The following PCDHA3 variants were observed in gnomAD, a reference collection of about 807,000 sequenced individuals.
PCDHA3 encodes protocadherin alpha-3.
In PCDHA3, 41 loss-of-function variants were observed where a neutral mutation model predicts 62.2. The ratio of observed to expected loss-of-function variants is 0.66; its 90% CI spans 0.51 to 0.86. PCDHA3 has a LOEUF of 0.86. Ranked by LOEUF, PCDHA3 falls within the 40% of genes least tolerant of loss-of-function variation. The probability of loss-of-function intolerance (pLI) is 0.00; values close to 1 mark genes in which losing one functional copy is unlikely to be tolerated. For missense variants in PCDHA3, 1,304 were observed against 1,241.2 expected (o/e 1.05, Z -0.76); for synonymous variants, 640 against 555.4 (o/e 1.15, Z -2.14).
intron 1 of PCDHA3, among the ~76,000 whole-genome samples, chr5:140,920,752 G>A (rs2079807244): frequency 6.6e-6 from 1 of 151,768 alleles, no homozygotes; most frequent in African/African-American, 2.4e-5. Context: ...GCTGAGGCAG[G>A]AGAATTGCTT....
At chr5:140,848,407 A>G in intron 1 of PCDHA3, 1 of 1,347,562 alleles carries the variant, frequency 7.4e-7, no homozygotes, top group Non-Finnish European at 1.0e-6. Flanking sequence ...AACGATGGCG[A>G]ACACAGCAGA....
At chr5:140,964,840 C>G (rs1270845085) in intron 1 of PCDHA3, among the ~76,000 whole-genome samples, 1 of 152,152 alleles carries the variant, frequency 6.6e-6, no homozygotes, top group Non-Finnish European at 1.5e-5. Flanking sequence ...GCTTCCTACT[C>G]TGTACCCTTG....
intron 1 of PCDHA3, chr5:140,848,211 A>T: frequency 2.8e-6 from 1 of 353,668 alleles, no homozygotes; most frequent in Non-Finnish European, 5.1e-6. Flanking sequence ...TCATTACTTA[A>T]GAAAAAATTA....
chr5:140,855,802 G>A (rs1329894390), intron 1 of PCDHA3: 2 of 477,954 alleles, frequency 4.2e-6, no homozygotes, highest in East Asian at 6.4e-5. Flanking sequence ...ACATATGAAT[G>A]AAAGAAAAGT....
At chr5:140,963,303 G>A (rs2153735006) in intron 1 of PCDHA3, among the ~76,000 whole-genome samples, 1 of 152,286 alleles carries the variant, frequency 6.6e-6, no homozygotes, top group South Asian at 2.1e-4. Flanking sequence ...GAGAAAATAA[G>A]AAGCTGTTTG....
intron 3 of PCDHA3, among the ~76,000 whole-genome samples, chr5:141,004,044 T>G (rs2098148933): frequency 6.6e-6 from 1 of 152,234 alleles, no homozygotes; most frequent in African/African-American, 2.4e-5. Context: ...ATTGATCATT[T>G]GCTGATACTG....
At chr5:140,881,358 T>A in intron 1 of PCDHA3, 1 of 985,286 alleles carries the variant, frequency 1.0e-6, no homozygotes, top group Non-Finnish European at 1.2e-6. Flanking sequence ...AATGCGTGGC[T>A]TTCGTATGAA....
At chr5:140,869,729 A>T (rs1554163384) in intron 1 of PCDHA3, 2 of 1,613,280 alleles carry the variant, frequency 1.2e-6, no homozygotes, top group Non-Finnish European at 1.7e-6. Context: ...CCGGAACTTA[A>T]TTTGCTGCTA....
chr5:140,933,372 C>T (rs1332069734), intron 1 of PCDHA3, among the ~76,000 whole-genome samples: 2 of 151,918 alleles, frequency 1.3e-5, no homozygotes, highest in African/African-American at 2.4e-5. Flanking sequence ...TCCCAAATTC[C>T]TTGGCTGTTC....
At position 140,828,843 on chromosome 5, in the gene PCDHA3, T is replaced by C. The variant is rs145020293; in HGVS notation, c.2394+25252T>C. On this transcript the variant is annotated intron_variant, in intron 1 of 3. Transcript: ENST00000522353. ...GAACAGTCTGAATACGAAGTAAGAA[T>C]ATTCGAAAATGCAGACAACGGAACA... 84 of 1,614,196 alleles carry C rather than the reference T, an allele frequency of 5.2e-5. No homozygotes were observed. Among genetic ancestry groups the C allele is most frequent in the Non-Finnish European group, 6.9e-5 (81 of 1,180,038 alleles).
chr5:140,867,957 CA>C (rs1271215913), intron 1 of PCDHA3: 1 of 152,006 alleles, frequency 6.6e-6, no homozygotes, highest in Non-Finnish European at 1.5e-5. Flanking sequence ...CTCCCAAACC[CA>C]AAATTCTTTC....
chr5:140,929,697 T>G (rs2086305900), intron 1 of PCDHA3: 1 of 266,272 alleles, frequency 3.8e-6, no homozygotes, highest in African/African-American at 2.2e-5. Flanking sequence ...CTGCTTTATA[T>G]GAATATAATA....
intron 1 of PCDHA3, chr5:140,877,758 G>C: frequency 6.2e-7 from 1 of 1,614,190 alleles, no homozygotes; most frequent in Non-Finnish European, 8.5e-7. Context: ...GCTCTGCAGA[G>C]AGCCCGCCCA....
chr5:140,896,561 G>C (rs1562891119), intron 1 of PCDHA3, among the ~76,000 whole-genome samples: 2 of 150,758 alleles, frequency 1.3e-5, no homozygotes, highest in Non-Finnish European at 2.9e-5. Flanking sequence ...ATTTTAAGTA[G>C]AGATGGGGTT....
chr5:140,871,688 G>C lies in PCDHA3; in HGVS notation c.2394+68097G>C, dbSNP rs868933304. On this transcript the variant is annotated intron_variant, in intron 1 of 3. Coordinates refer to ENST00000522353, the MANE Select transcript of PCDHA3 (RefSeq NM_018906.3). ...GTCTTTTAATCATATGAATAATCTG[G>C]CTTCTTTAACCAATAAATGTCCTAT... 1.9e-5 allele frequency: 20 copies of C among 1,060,782 alleles called. No homozygotes were observed. In the African/African-American group the frequency reaches 2.1e-4, roughly 11 times the overall value. The allele number at this position is 1,060,782 out of a possible 1,614,324, so 65.7% of individuals were successfully genotyped here. A position where few individuals can be genotyped will look rare whatever the true frequency, so the allele number is the denominator to read the frequency against.
Position 141,009,767 on chromosome 5 carries a change from G to T in PCDHA3, c.2683G>T (p.Ala895Ser). ...PDKFIIPGSP[A>S]IISIRQEPTN... is the part of the protein sequence containing the mutation. Reference sequence around the variant, plus strand: ...CAAATTCATTATCCCAGGATCTCCTGCAATCATCTCCATCCGGCAGGAGCC... The same window carrying T: ...CAAATTCATTATCCCAGGATCTCCTTCAATCATCTCCATCCGGCAGGAGCC... The change falls in exon 4 of 4, where the codon GCA becomes TCA. Residue 895 changes from alanine to serine, a missense_variant. Coordinates refer to ENST00000522353, the MANE Select transcript of PCDHA3 (RefSeq NM_018906.3). 1 of 1,614,108 alleles carries T rather than the reference G, an allele frequency of 6.2e-7. No individual in the cohort carries two copies. Among genetic ancestry groups the T allele is most frequent in the South Asian group, 1.1e-5 (1 of 91,072 alleles).
intron 1 of PCDHA3, chr5:140,823,980 G>T (rs2150131135): frequency 1.9e-6 from 3 of 1,614,052 alleles, no homozygotes; most frequent in East Asian, 2.2e-5. Flanking sequence ...CACGGGGCAA[G>T]CCCACTCTGT....
At chr5:141,001,702 G>C (rs2098033163) in intron 3 of PCDHA3, among the ~76,000 whole-genome samples, 1 of 152,194 alleles carries the variant, frequency 6.6e-6, no homozygotes, top group Non-Finnish European at 1.5e-5. Flanking sequence ...GGCGAAATAG[G>C]GGGCGGGGAA....
chr5:140,871,748 A>T (rs1298018715), intron 1 of PCDHA3: 3 of 637,032 alleles, frequency 4.7e-6, no homozygotes, highest in Non-Finnish European at 7.7e-6. Flanking sequence ...TCCTAAAAGA[A>T]ATGAGATGCA....
Sources: allele counts gnomAD v4.1 joint callset (sites outside exome capture counted in the v4.1 genomes callset), GRCh38; gene constraint gnomAD v4.1.1; transcripts MANE v1.5; gene names NCBI Gene and HGNC (gene_info 2026-07-23, HGNC 2026-07-21).